The following CAPN1 variants were observed in gnomAD, a reference collection of about 807,000 sequenced individuals.
CAPN1 encodes calpain-1 catalytic subunit.
In CAPN1, 77 loss-of-function variants were observed where a neutral mutation model predicts 105.2. The observed-to-expected ratio is 0.73, with a 90% CI of 0.61 to 0.88. The LOEUF is 0.88. CAPN1 is among the 40% of genes least tolerant of loss of function. CAPN1 has a pLI of 0.00. For synonymous variants in CAPN1, 355 were observed against 388.8 expected (o/e 0.91, Z 1.02); for missense variants, 833 against 976.6 (o/e 0.85, Z 1.96).
In CAPN1 at chr11:65,209,847, A is replaced by G; in HGVS notation, c.1795-2A>G. 1 of 1,613,532 alleles carries G rather than the reference A, an allele frequency of 6.2e-7. No homozygotes were observed. The highest frequency in any genetic ancestry group is 8.5e-7 in the Non-Finnish European group (1 of 1,179,736). ...GGAATTTCCTTCTTAACGGCCACCC[A>G]GCGTGATGGCAATGGGAAGCTGGGC... On this transcript the variant is annotated splice_acceptor_variant, in intron 17 of 21. Coordinates refer to ENST00000279247, the MANE Select transcript of CAPN1 (RefSeq NM_005186.4). LOFTEE classifies it high-confidence loss of function. The surrounding 1 kb of genome is among the most constrained non-coding windows in gnomAD (Gnocchi z 4.1).
intron 10 of CAPN1, among the ~76,000 whole-genome samples, chr11:65,202,857 A>T (rs191152913): frequency 6.6e-6 from 1 of 152,282 alleles, no homozygotes; most frequent in East Asian, 1.9e-4. Flanking sequence ...TCATTATCCC[A>T]AAAACAAATG....
At position 65,204,660 on chromosome 11, in the gene CAPN1, C is replaced by T. The variant is rs377737525; in HGVS notation, c.1166-23C>T. On this transcript the variant is annotated intron_variant, in intron 10 of 21. Coordinates refer to ENST00000279247, the MANE Select transcript of CAPN1 (RefSeq NM_005186.4). Reference sequence around the variant, plus strand: ...GCTCTGCCCCGCCCTGCCTCTGATCCCCGCCTCCTCACCTGCCCGCAGCCA... The same window carrying T: ...GCTCTGCCCCGCCCTGCCTCTGATCTCCGCCTCCTCACCTGCCCGCAGCCA... The T allele has an allele frequency of 1.1e-3, 1,711 of 1,600,152 alleles. 35 individuals are homozygous for T. The South Asian group carries it at 0.017, about 16-fold the overall frequency.
rs756526212 is a variant in CAPN1 at position 65,204,709 on chromosome 11, A to C, written c.1192A>C (p.Lys398Gln). Residue 398 changes from lysine (K) to glutamine (Q), a missense_variant, in exon 11 of 22, where the codon AAG becomes CAG. Transcript: ENST00000279247. ...CACCTTCTGGGTGAACCCTCAGTTC[A>C]AGATCCGGCTGGATGAGACGGATGA... ...PATFWVNPQF[K>Q]IRLDETDDPD... is the part of the protein sequence containing the mutation. The C allele has an allele frequency of 1.2e-6, 2 of 1,612,650 alleles. No homozygotes were observed. The highest frequency in any genetic ancestry group is 1.7e-6 in the Non-Finnish European group (2 of 1,179,452).
chr11:65,202,899 C>A (rs1375950603), intron 10 of CAPN1, among the ~76,000 whole-genome samples: 1 of 152,188 alleles, frequency 6.6e-6, no homozygotes, highest in Admixed American at 6.6e-5. Flanking sequence ...CCCCAGCCCT[C>A]CCAGCAGCCC....
Position 65,211,494 on chromosome 11 carries a change from G to A in CAPN1, c.*208G>A. ...GTGGCCCCTGCCTGTGCCAGCCATG[G>A]GCTCGGGATGGACTCCCTGGGCCCC... On this transcript the variant is annotated 3_prime_UTR_variant, in exon 22 of 22. Transcript: ENST00000279247. 1.7e-6 allele frequency: 1 copy of A among 594,888 alleles called. No individual in the cohort carries two copies. Among genetic ancestry groups the A allele is most frequent in the East Asian group, 2.8e-5 (1 of 35,284 alleles). The allele number at this position is 594,888 out of a possible 1,614,324, so 36.9% of individuals were successfully genotyped here.
chr11:65,205,838 G>A, intron 12 of CAPN1, 117 bp downstream of exon 12: 1 of 941,676 alleles, frequency 1.1e-6, no homozygotes, highest in Non-Finnish European at 1.7e-6. Context: ...TTGTTTCACT[G>A]CTTGAAAAAT....
upstream of CAPN1, chr11:65,181,457 C>G (rs1008053765): frequency 1.7e-5 from 4 of 232,132 alleles, no homozygotes; most frequent in Non-Finnish European, 3.5e-5. This position sits in a 1 kb window ranked among gnomAD's most constrained non-coding sequence, Gnocchi z 4.6. Context: ...GCGGGAGCAG[C>G]TGCGGTCGCG....
In CAPN1 at chr11:65,188,042, T is replaced by A. The variant is rs1356340954; in HGVS notation, c.929+2T>A. On this transcript the variant is annotated splice_donor_variant, in intron 8 of 21. Transcript: ENST00000279247. LOFTEE classifies it high-confidence loss of function. This position sits in a 1 kb window ranked among gnomAD's most constrained non-coding sequence, Gnocchi z 5.5. ...GTGGACGGGAGCCTGGAGCGACAGG[T>A]GAGGGGCAGTGGGCACTGTCTGGAG... The A allele has an allele frequency of 6.4e-6, 10 of 1,550,974 alleles. No individual in the cohort carries two copies. The African/African-American group carries it at 1.2e-4, about 19-fold the overall frequency.
intron 10 of CAPN1, among the ~76,000 whole-genome samples, chr11:65,202,238 C>T (rs1420957700): frequency 6.6e-6 from 1 of 152,152 alleles, no homozygotes. Flanking sequence ...TGCTTCTATA[C>T]CCTGGGGTTC....
At position 65,193,147 on chromosome 11, in the gene CAPN1, AT is replaced by A. The variant is rs762975839; in HGVS notation, c.1165+4418del. ...AGGTGCCCACCACCACGCCTGGCTAATTTTTTTTTTTTTTTTTGTATTTTTA... is the reference window on the plus strand; with the variant it reads ...AGGTGCCCACCACCACGCCTGGCTAATTTTTTTTTTTTTTTTGTATTTTTA... On this transcript the variant is annotated intron_variant, in intron 10 of 21. Transcript: ENST00000279247. 5.7e-3 allele frequency among the ~76,000 whole-genome samples: 740 copies of A among 129,312 alleles called. 1 individual carries two copies. Among genetic ancestry groups the A allele is most frequent in the African/African-American group, 6.5e-3 (229 of 35,036 alleles). 84.8% of individuals were successfully genotyped at this position (129,312 alleles called of 152,430 possible).
chr11:65,209,090 T>C lies in CAPN1; in HGVS notation c.1730-233T>C, dbSNP rs143820077. 14 of 580,440 alleles carry C rather than the reference T, an allele frequency of 2.4e-5. No individual in the cohort carries two copies. Among genetic ancestry groups the C allele is most frequent in the African/African-American group, 1.5e-4 (8 of 53,624 alleles). 36.0% of individuals were successfully genotyped at this position (580,440 alleles called of 1,614,324 possible). On this transcript the variant is annotated intron_variant, in intron 16 of 21. Coordinates refer to ENST00000279247, the MANE Select transcript of CAPN1 (RefSeq NM_005186.4). This position sits in a 1 kb window ranked among gnomAD's most constrained non-coding sequence, Gnocchi z 4.1. Reference sequence around the variant, plus strand: ...AATTTCTCGCTCTTCTGTTTCACACTCATTTCTTTTTACTTTGGACTAATT... The same window carrying C: ...AATTTCTCGCTCTTCTGTTTCACACCCATTTCTTTTTACTTTGGACTAATT...
rs776728125 is a variant in CAPN1 at position 65,182,871 on chromosome 11, G to T, written c.170G>T (p.Arg57Leu). The T allele has an allele frequency of 1.2e-6, 2 of 1,602,880 alleles. No individual in the cohort carries two copies. The highest frequency in any genetic ancestry group is 1.7e-6 in the Non-Finnish European group (2 of 1,175,036). Residue 57 changes from arginine to leucine, a missense_variant, in exon 2 of 22, where the codon CGT becomes CTT. By Grantham distance (102) the Arg-to-Leu change is moderately radical. Coordinates refer to ENST00000279247, the MANE Select transcript of CAPN1 (RefSeq NM_005186.4). ...TGCCTGCAGAGTGGGACCCTCTTCCGTGATGAGGCCTTCCCCCCGGTACCC... is the reference window on the plus strand; with the variant it reads ...TGCCTGCAGAGTGGGACCCTCTTCCTTGATGAGGCCTTCCCCCCGGTACCC... ...VRCLQSGTLF[R>L]DEAFPPVPQS...
At chr11:65,189,275 C>T (rs1036506918) in intron 10 of CAPN1, among the ~76,000 whole-genome samples, 5 of 152,210 alleles carry the variant, frequency 3.3e-5, no homozygotes, top group Non-Finnish European at 5.9e-5. Context: ...ACCACCTTGG[C>T]CTCCCAAAGT....
chr11:65,199,516 T>A (rs1948838031), intron 10 of CAPN1, among the ~76,000 whole-genome samples: 1 of 152,238 alleles, frequency 6.6e-6, no homozygotes, highest in Non-Finnish European at 1.5e-5. Context: ...TTTGAGAATA[T>A]CACCTCCTTC....
Position 65,188,327 on chromosome 11 carries a change from G to C in CAPN1, c.930-87G>C, listed in dbSNP as rs1039393782. 6 of 1,246,596 alleles carry C rather than the reference G, an allele frequency of 4.8e-6. No individual in the cohort carries two copies. In the African/African-American group the frequency reaches 7.4e-5, roughly 15 times the overall value. The allele number at this position is 1,246,596 out of a possible 1,614,324, so 77.2% of individuals were successfully genotyped here. A position where few individuals can be genotyped will look rare whatever the true frequency, so the allele number is the denominator to read the frequency against. ...GGAGGCCACCTGGGCTGGGCCGGGG[G>C]AAGACAGGCCAGGGTAGACAGGCCC... is the stretch of plus-strand genomic sequence containing the variant. On this transcript the variant is annotated intron_variant, in intron 8 of 21. Coordinates refer to ENST00000279247, the MANE Select transcript of CAPN1 (RefSeq NM_005186.4). The surrounding 1 kb of genome is among the most constrained non-coding windows in gnomAD (Gnocchi z 5.5).
chr11:65,211,159 C>T (rs1294783775), intron 21 of CAPN1, 101 bp from the exon 22 acceptor site: 8 of 1,336,630 alleles, frequency 6.0e-6, no homozygotes, highest in Non-Finnish European at 8.4e-6. Context: ...CCTGAGGTGG[C>T]TCCTGAGACG....
chr11:65,189,562 T>C (rs1235296386), intron 10 of CAPN1, among the ~76,000 whole-genome samples: 2 of 152,162 alleles, frequency 1.3e-5, no homozygotes, highest in Non-Finnish European at 2.9e-5. Flanking sequence ...GCCAGTCCGT[T>C]GAACCCATCA....
In CAPN1 at chr11:65,210,044, CAA is replaced by C; in HGVS notation, c.1891_1892del (p.Lys631ValfsTer14). ...LSIFRKFDLDKSGSMSAYEMR... is the reference protein window; with the variant it reads ...LSIFRKFDLDXSGSMSAYEMR... ...CCATCTTCCGGAAGTTTGACCTGGACAAGTCGGGCAGCATGAGTGCCTACGAG... is the reference window on the plus strand; with the variant it reads ...CCATCTTCCGGAAGTTTGACCTGGACGTCGGGCAGCATGAGTGCCTACGAG... On this transcript the variant is annotated frameshift_variant, in exon 19 of 22. Coordinates refer to ENST00000279247, the MANE Select transcript of CAPN1 (RefSeq NM_005186.4). LOFTEE classifies it high-confidence loss of function. The surrounding 1 kb of genome is among the most constrained non-coding windows in gnomAD (Gnocchi z 4.3). 6.2e-7 allele frequency: 1 copy of C among 1,613,086 alleles called. No individual in the cohort carries two copies.
intron 14 of CAPN1, 53 bp downstream of exon 14, chr11:65,206,872 G>C: frequency 6.5e-7 from 1 of 1,545,370 alleles, no homozygotes; most frequent in South Asian, 1.2e-5. Context: ...TCACCCCTGG[G>C]TGTGTGATGG....
Sources: gnomAD v4.1 joint callset for allele counts (sites outside exome capture counted in the v4.1 genomes callset) on GRCh38, gnomAD v4.1.1 for gene constraint, Gnocchi (gnomAD v3.1) non-coding constraint, MANE v1.5 for transcripts, NCBI Gene and HGNC (gene_info 2026-07-23, HGNC 2026-07-21) for gene names.